SNCAIP: variants seen among roughly 807,000 people sequenced by gnomAD.
SNCAIP encodes synphilin-1.
A neutral mutation model predicts 86.7 loss-of-function variants in SNCAIP; 43 were observed. The observed-to-expected ratio is 0.50, with a 90% CI of 0.39 to 0.64. The LOEUF (loss-of-function observed/expected upper bound fraction) is 0.64. SNCAIP is among the 30% of genes least tolerant of loss of function. The pLI, the probability that SNCAIP is intolerant of heterozygous loss-of-function variation, is 0.00. For missense variants in SNCAIP, 981 were observed against 1,103.1 expected (o/e 0.89, Z 1.57); for synonymous variants, 417 against 427.2 (o/e 0.98, Z 0.29).
At chr5:122,313,408 G>A (rs1250264865) in intron 1 of SNCAIP, among the ~76,000 whole-genome samples, 3 of 152,232 alleles carry the variant, frequency 2.0e-5, no homozygotes, top group African/African-American at 7.2e-5. Flanking sequence ...GGAAGTTTAT[G>A]AGGATTACAT....
intron 1 of SNCAIP, chr5:122,371,491 GTC>G (rs1279432959): frequency 2.0e-5 from 3 of 152,108 alleles, no homozygotes; most frequent in Non-Finnish European, 4.4e-5. Flanking sequence ...ATTTATTACT[GTC>G]TCTGAAAGAG....
At chr5:122,403,945 G>T in intron 3 of SNCAIP, 80 bp downstream of exon 3, 2 of 1,023,526 alleles carry the variant, frequency 2.0e-6, no homozygotes. Context: ...CCTCACACTG[G>T]TCCCCCCTGC....
Position 122,383,403 on chromosome 5 carries a change from G to A in SNCAIP, c.-46-7686G>A, listed in dbSNP as rs537290962. ...AATGCCTCACCCTGCTTCGGCTTGCGCACGGTGCGCGCACCCACTGACCTG... is the reference window on the plus strand; with the variant it reads ...AATGCCTCACCCTGCTTCGGCTTGCACACGGTGCGCGCACCCACTGACCTG... On this transcript the variant is annotated intron_variant, in intron 1 of 10. Coordinates refer to ENST00000261368, the MANE Select transcript of SNCAIP (RefSeq NM_005460.4). 343 of 153,228 alleles carry A rather than the reference G, an allele frequency of 2.2e-3. 1 individual carries two copies. Among genetic ancestry groups the A allele is most frequent in the African/African-American group, 7.4e-3 (309 of 41,518 alleles). The allele number at this position is 153,228 out of a possible 1,614,324, so 9.5% of individuals were successfully genotyped here.
chr5:122,415,079 T>C (rs76739678), intron 3 of SNCAIP, among the ~76,000 whole-genome samples: 2,226 of 152,358 alleles, frequency 0.015, 59 homozygotes, highest in African/African-American at 0.049. Context: ...TTTCACTCTT[T>C]ATAGTATACT....
intron 1 of SNCAIP, among the ~76,000 whole-genome samples, chr5:122,327,004 A>G (rs963743009): frequency 1.3e-5 from 2 of 151,722 alleles, no homozygotes; most frequent in Non-Finnish European, 2.9e-5. Flanking sequence ...TGGAGGAGAT[A>G]CTAGATCAAA....
chr5:122,390,735 C>T (rs1006364261), intron 1 of SNCAIP, among the ~76,000 whole-genome samples: 3 of 152,180 alleles, frequency 2.0e-5, no homozygotes, highest in Non-Finnish European at 2.9e-5. Flanking sequence ...TCCCCATTTC[C>T]CAAAGCCCTG....
intron 1 of SNCAIP, among the ~76,000 whole-genome samples, chr5:122,361,702 T>TAAAGGTCCCAGCATGATC (rs532378049): frequency 1.9e-3 from 283 of 152,294 alleles, no homozygotes; most frequent in Admixed American, 5.5e-3. Context: ...ATCGATGCCT[T>TAAAGGTCCCAGCATGATC]AAAGGTCCCA....
intron 1 of SNCAIP, among the ~76,000 whole-genome samples, chr5:122,344,107 C>G (rs1259044710): frequency 6.6e-6 from 1 of 152,164 alleles, no homozygotes; most frequent in Non-Finnish European, 1.5e-5. Context: ...CCATCTCCAC[C>G]TGAAATTCAT....
At chr5:122,441,012 G>A (rs1780761612) in intron 7 of SNCAIP, 2 of 460,604 alleles carry the variant, frequency 4.3e-6, no homozygotes, top group South Asian at 4.3e-5. Flanking sequence ...CTGCTCTAAA[G>A]CCCCAGTGCT....
chr5:122,432,085 A>G lies in SNCAIP; in HGVS notation c.1296+3A>G. On this transcript the variant is annotated splice_donor_region_variant and intron_variant, in intron 6 of 10. Coordinates refer to ENST00000261368, the MANE Select transcript of SNCAIP (RefSeq NM_005460.4). The stretch of plus-strand genomic sequence containing the variant: ...ATTACGCAGGTTGCTATGGCCAGGT[A>G]TGAAGGAGTTTTTTAAGTATCTTCC... 7.5e-7 allele frequency: 1 copy of G among 1,338,354 alleles called. No homozygotes were observed. The highest frequency in any genetic ancestry group is 1.2e-5 in the South Asian group (1 of 85,386). 82.9% of individuals were successfully genotyped at this position (1,338,354 alleles called of 1,614,324 possible).
At chr5:122,395,958 C>T (rs1770525565) in intron 2 of SNCAIP, among the ~76,000 whole-genome samples, 1 of 152,016 alleles carries the variant, frequency 6.6e-6, no homozygotes, top group African/African-American at 2.4e-5. Flanking sequence ...CTGAGTGGTT[C>T]AATCCCTTTT....
chr5:122,394,852 T>C (rs1770251829), intron 2 of SNCAIP, among the ~76,000 whole-genome samples: 1 of 152,212 alleles, frequency 6.6e-6, no homozygotes, highest in African/African-American at 2.4e-5. Context: ...TAAGTTATCT[T>C]GTTCAAGCCT....
chr5:122,431,874 A>G lies in SNCAIP; in HGVS notation c.1183-95A>G, dbSNP rs928791705. On this transcript the variant is annotated intron_variant, in intron 5 of 10. Transcript: ENST00000261368. ...GCCTGATATAAATGCCAAAATTTATATGATTTCTTTCCTTGGTGAAATTAC... is the reference window on the plus strand; with the variant it reads ...GCCTGATATAAATGCCAAAATTTATGTGATTTCTTTCCTTGGTGAAATTAC... The G allele has an allele frequency of 4.3e-5, 31 of 728,966 alleles. No homozygotes were observed. The Middle Eastern group carries it at 9.5e-4, about 22-fold the overall frequency. The allele number at this position is 728,966 out of a possible 1,614,324, so 45.2% of individuals were successfully genotyped here. A position where few individuals can be genotyped will look rare whatever the true frequency, so the allele number is the denominator to read the frequency against.
intron 1 of SNCAIP, among the ~76,000 whole-genome samples, chr5:122,315,427 C>T (rs997579251): frequency 6.6e-6 from 1 of 152,184 alleles, no homozygotes; most frequent in Non-Finnish European, 1.5e-5. Context: ...CACCTTGAAT[C>T]ACATTAGCTA....
At chr5:122,334,585 C>T (rs1006803973) in intron 1 of SNCAIP, among the ~76,000 whole-genome samples, 5 of 152,172 alleles carry the variant, frequency 3.3e-5, no homozygotes, top group African/African-American at 1.2e-4. Flanking sequence ...AGGTTCTTGT[C>T]AGTGGACGTC....
intron 1 of SNCAIP, among the ~76,000 whole-genome samples, chr5:122,376,952 T>C (rs563242478): frequency 6.6e-6 from 1 of 152,288 alleles, no homozygotes; most frequent in African/African-American, 2.4e-5. Context: ...TCTGATCTTC[T>C]TCTCTCAGAG....
intron 10 of SNCAIP, among the ~76,000 whole-genome samples, chr5:122,453,192 G>C (rs1388589073): frequency 6.6e-6 from 1 of 152,136 alleles, no homozygotes; most frequent in Non-Finnish European, 1.5e-5. Context: ...TCTGCCCTTG[G>C]AGGGCTTTAT....
At chr5:122,340,675 C>T (rs1757387813) in intron 1 of SNCAIP, among the ~76,000 whole-genome samples, 1 of 152,174 alleles carries the variant, frequency 6.6e-6, no homozygotes, top group Non-Finnish European at 1.5e-5. Flanking sequence ...TGCATACTAT[C>T]CTATTTCTCA....
intron 1 of SNCAIP, among the ~76,000 whole-genome samples, chr5:122,381,288 T>G (rs2152816348): frequency 6.9e-6 from 1 of 145,802 alleles, no homozygotes; most frequent in East Asian, 2.0e-4. Context: ...CCCTTTACCA[T>G]TATGTAATGG....
Sources: allele counts gnomAD v4.1 joint callset (sites outside exome capture counted in the v4.1 genomes callset), GRCh38; gene constraint gnomAD v4.1.1; transcripts MANE v1.5; gene names NCBI Gene and HGNC (gene_info 2026-07-23, HGNC 2026-07-21).